The following LRRK2 variants were observed in gnomAD, a reference collection of about 807,000 sequenced individuals.
The protein encoded by LRRK2 is leucine-rich repeat serine/threonine-protein kinase 2.
Under a neutral mutation model 302.6 loss-of-function variants are expected in LRRK2, and 203 were observed. That is an observed-to-expected ratio of 0.67 (90% CI 0.60 to 0.75). The LOEUF is 0.75. LRRK2 is among the 30% of genes least tolerant of loss of function. The pLI, the probability that LRRK2 is intolerant of heterozygous loss-of-function variation, is 0.00. For missense variants in LRRK2, 2,830 were observed against 2,951.0 expected, an observed-to-expected ratio of 0.96 and a Z score of 0.95; for synonymous variants, 1,066 against 1,031.9, an observed-to-expected ratio of 1.03 and a Z score of -0.63.
chr12:40,238,225 G>T (rs1035891769), intron 5 of LRRK2, 122 bp downstream of exon 5: 2 of 1,000,032 alleles, frequency 2.0e-6, no homozygotes, highest in Non-Finnish European at 2.9e-6. Flanking sequence ...TTAAGAAGTG[G>T]GAGTTGTCTG....
chr12:40,274,718 G>T lies in LRRK2; in HGVS notation c.1792G>T (p.Asp598Tyr). Residue 598 changes from aspartate to tyrosine, a missense_variant, in exon 15 of 51, where the codon GAT (aspartate) becomes TAT (tyrosine). Transcript: ENST00000298910. The part of the protein sequence containing the change: ...SVLHTLQMYP[D>Y]DQEIQCLGLS... The stretch of plus-strand genomic sequence containing the variant: ...GCTTCACACACTGCAGATGTATCCA[G>T]ATGACCAAGGTCAGTACAATTTGAA... 6.2e-7 allele frequency: 1 copy of T among 1,614,062 alleles called. No individual in the cohort carries two copies. The highest frequency in any genetic ancestry group is 8.5e-7 in the Non-Finnish European group (1 of 1,179,960).
chr12:40,328,341 T>G lies in LRRK2; in HGVS notation c.5657-19T>G. 6.2e-7 allele frequency: 1 copy of G among 1,601,128 alleles called. No individual in the cohort carries two copies. Among genetic ancestry groups the G allele is most frequent in the East Asian group, 2.2e-5 (1 of 44,758 alleles). On this transcript the variant is annotated intron_variant, in intron 38 of 50. Transcript: ENST00000298910. Reference sequence around the variant, plus strand: ...CTTGGACAGCTTAATTTAAGTGCTTTGTATTTTCTTTTCAAAAGGTGATGG... The same window carrying G: ...CTTGGACAGCTTAATTTAAGTGCTTGGTATTTTCTTTTCAAAAGGTGATGG...
Position 40,299,226 on chromosome 12 carries a change from G to A in LRRK2, c.3465G>A (p.Val1155=). 6.2e-7 allele frequency: 1 copy of A among 1,613,492 alleles called. No homozygotes were observed. The change falls in exon 25 of 51, where the codon GTG becomes GTA. Residue 1155 remains valine (V), a synonymous_variant. Transcript: ENST00000298910. ...ACTTTCTTGAGGCTTGTCCTAAAGT[G>A]GAGAGTTTCAGTGCCAGAATGAATT... ...SENFLEACPK[V]ESFSARMNFL...
chr12:40,351,474 T>G (rs1290291807), intron 43 of LRRK2, 65 bp from the exon 44 acceptor site: 7 of 1,523,660 alleles, frequency 4.6e-6, no homozygotes, highest in Non-Finnish European at 6.3e-6. Flanking sequence ...CAGTCTATAT[T>G]TGATTTTTCA....
chr12:40,360,650 G>A (rs928128150), intron 47 of LRRK2, among the ~76,000 whole-genome samples: 1 of 152,196 alleles, frequency 6.6e-6, no homozygotes, highest in Admixed American at 6.6e-5. Context: ...CCCTTCAGTG[G>A]TATCCCATTG....
chr12:40,260,122 C>A (rs931174753), intron 13 of LRRK2, among the ~76,000 whole-genome samples: 1 of 152,032 alleles, frequency 6.6e-6, no homozygotes, highest in Non-Finnish European at 1.5e-5. Flanking sequence ...TCTCCAAAGC[C>A]CCTTTAAAAC....
intron 20 of LRRK2, among the ~76,000 whole-genome samples, chr12:40,291,520 T>C (rs1432546670): frequency 6.6e-6 from 1 of 151,794 alleles, no homozygotes; most frequent in Non-Finnish European, 1.5e-5. Flanking sequence ...TTTCCAAATA[T>C]TTGGAGATTT....
chr12:40,244,859 T>G (rs1941905413), intron 7 of LRRK2, among the ~76,000 whole-genome samples: 2 of 151,848 alleles, frequency 1.3e-5, no homozygotes, highest in African/African-American at 4.8e-5. Flanking sequence ...ATTGTACACA[T>G]GTACCCTAAA....
chr12:40,292,025 C>A (rs76339482), intron 20 of LRRK2, among the ~76,000 whole-genome samples: 1 of 152,002 alleles, frequency 6.6e-6, no homozygotes, highest in Non-Finnish European at 1.5e-5. Flanking sequence ...ACATTTCTAG[C>A]GCAGATCTTC....
chr12:40,353,355 C>T (rs1183354430), intron 44 of LRRK2, among the ~76,000 whole-genome samples: 14 of 151,256 alleles, frequency 9.3e-5, no homozygotes, highest in South Asian at 2.1e-4. Flanking sequence ...GGGTTGCGGC[C>T]GGGCATAGGC....
In LRRK2 at chr12:40,283,979, T is replaced by C; in HGVS notation, c.2346T>C (p.Gly782=). Residue 782 remains glycine (G), a synonymous_variant, in exon 19 of 51, where the codon GGT becomes GGC. Transcript: ENST00000298910. ...RKALTISIGK[G]DSQIISLLLR... ...CGTTGACGATAAGCATTGGGAAAGG[T>C]GACAGCCAGATCATCAGCTTGCTCT... 6.2e-7 allele frequency: 1 copy of C among 1,614,030 alleles called. No individual in the cohort carries two copies. Among genetic ancestry groups the C allele is most frequent in the Non-Finnish European group, 8.5e-7 (1 of 1,179,924 alleles).
chr12:40,324,554 G>A lies in LRRK2; in HGVS notation c.5656+1248G>A, dbSNP rs1291092118. On this transcript the variant is annotated intron_variant, in intron 38 of 50. Coordinates refer to ENST00000298910, the MANE Select transcript of LRRK2 (RefSeq NM_198578.4). ...CTTACTTTGTTTAGTTTTTGTTGTT[G>A]TTGTGTGTATACATTTAATTTTAAT... Among the ~76,000 whole-genome samples the A allele has an allele frequency of 2.0e-5, 3 of 152,126 alleles. No homozygotes were observed. In the East Asian group the frequency reaches 5.8e-4, roughly 29 times the overall value.
At chr12:40,225,508 C>A in intron 1 of LRRK2, 47 bp from the exon 2 acceptor site, 1 of 1,493,540 alleles carries the variant, frequency 6.7e-7, no homozygotes, top group Non-Finnish European at 9.3e-7. Flanking sequence ...AGAGGGGGTG[C>A]TGTGGATTGT....
In LRRK2 at chr12:40,240,498, T is replaced by G. The variant is rs201090840; in HGVS notation, c.587T>G (p.Leu196Arg). 1 of 1,613,032 alleles carries G rather than the reference T, an allele frequency of 6.2e-7. No individual in the cohort carries two copies. The highest frequency in any genetic ancestry group is 8.5e-7 in the Non-Finnish European group (1 of 1,179,368). ...VLFERVSEEQ[L>R]TEFVENKDYM... The stretch of plus-strand genomic sequence containing the variant: ...CATTTTTAAGTCTCAGAGGAGCAAC[T>G]GACTGAATTTGTTGAGAACAAAGAT... Residue 196 changes from leucine to arginine, a missense_variant, in exon 6 of 51, where the codon CTG becomes CGG. Transcript: ENST00000298910.
chr12:40,301,686 A>C (rs1944632439), intron 25 of LRRK2, among the ~76,000 whole-genome samples: 1 of 152,206 alleles, frequency 6.6e-6, no homozygotes, highest in African/African-American at 2.4e-5. Context: ...TAACCTTGAA[A>C]ATGCTAATAA....
Position 40,233,628 on chromosome 12 carries a change from T to G in LRRK2, c.347+1245T>G, listed in dbSNP as rs79895559. 9.8e-3 allele frequency among the ~76,000 whole-genome samples: 1,497 copies of G among 152,314 alleles called. 26 individuals are homozygous for G. Among genetic ancestry groups the G allele is most frequent in the African/African-American group, 0.034 (1,415 of 41,562 alleles). On this transcript the variant is annotated intron_variant, in intron 3 of 50. Transcript: ENST00000298910. ...AAGTATACAGCATTTGATGAGGAAT[T>G]ACTCAAAATATACCAGTAATTAGGA...
intron 2 of LRRK2, among the ~76,000 whole-genome samples, chr12:40,227,156 G>GT (rs1210277064): frequency 5.3e-5 from 8 of 152,070 alleles, no homozygotes; most frequent in Admixed American, 2.0e-4. Context: ...ATAAGGAAGA[G>GT]TTTTTTTAAA....
rs749133568 is a variant in LRRK2 at position 40,321,035 on chromosome 12, TTGTC to T, written c.5020_5023del (p.Ser1674ThrfsTer5). 10 of 1,612,580 alleles carry T rather than the reference TTGTC, an allele frequency of 6.2e-6. No individual in the cohort carries two copies. The highest frequency in any genetic ancestry group is 1.7e-5 in the Admixed American group (1 of 59,970). On this transcript the variant is annotated frameshift_variant and splice_region_variant, in exon 35 of 51. Transcript: ENST00000298910. LOFTEE classifies it high-confidence loss of function. ...ACCATAGTGTCCTTTTGCCTTTAGT[TTGTC>T]TGACCACAGGCCTGTGATAGAGCTT...
chr12:40,225,486 A>G (rs1212331565), intron 1 of LRRK2, 69 bp from the exon 2 acceptor site: 1 of 1,418,996 alleles, frequency 7.0e-7, no homozygotes, highest in African/African-American at 1.4e-5. Flanking sequence ...TCCCCGTTTC[A>G]GACTAAAAAG....
Sources: gnomAD v4.1 joint callset for allele counts (sites outside exome capture counted in the v4.1 genomes callset) on GRCh38, gnomAD v4.1.1 for gene constraint, MANE v1.5 for transcripts, NCBI Gene and HGNC (gene_info 2026-07-23, HGNC 2026-07-21) for gene names.